SLC9A9: variants seen among roughly 807,000 people sequenced by gnomAD.
The protein encoded by SLC9A9 is solute carrier family 9 member A9.
SLC9A9 carries 62 observed loss-of-function variants against 77.8 expected under a neutral mutation model. That is an observed-to-expected ratio of 0.80 (90% CI 0.65 to 0.98). The LOEUF (loss-of-function observed/expected upper bound fraction) is 0.98. Among genes scored for constraint, SLC9A9 ranks in the 50% least tolerant of loss-of-function variants. The pLI, the probability that SLC9A9 is intolerant of heterozygous loss-of-function variation, is 0.00. For missense variants in SLC9A9, 775 were observed against 774.9 expected (o/e 1.00, Z 0.00); for synonymous variants, 320 against 283.5 (o/e 1.13, Z -1.29).
chr3:143,489,193 CTT>C (rs1235528259), intron 11 of SLC9A9, among the ~76,000 whole-genome samples: 1 of 151,662 alleles, frequency 6.6e-6, no homozygotes, highest in African/African-American at 2.4e-5. Flanking sequence ...AGGTGAAAGA[CTT>C]ATACAGTGAA....
At chr3:143,355,530 T>C (rs890124110) in intron 14 of SLC9A9, among the ~76,000 whole-genome samples, 1 of 152,216 alleles carries the variant, frequency 6.6e-6, no homozygotes, top group Admixed American at 6.5e-5. Context: ...AGATAGGCTA[T>C]AATAGCAAAT....
chr3:143,731,886 A>G (rs1934811972), intron 4 of SLC9A9, among the ~76,000 whole-genome samples: 1 of 152,150 alleles, frequency 6.6e-6, no homozygotes, highest in African/African-American at 2.4e-5. Flanking sequence ...CTGTCAACGG[A>G]TGTGAGACAT....
chr3:143,569,796 T>C (rs1280247152), intron 8 of SLC9A9, among the ~76,000 whole-genome samples: 1 of 151,380 alleles, frequency 6.6e-6, no homozygotes, highest in Non-Finnish European at 1.5e-5. Flanking sequence ...AAGGTTAATT[T>C]TCTTTTATTG....
Position 143,490,705 on chromosome 3 carries a change from AAG to A in SLC9A9, c.1315+2946_1315+2947del, listed in dbSNP as rs201666264. The stretch of plus-strand genomic sequence containing the variant: ...TTACAACAATAAAAAAATGAAAAAA[AAG>A]AGAGAACAATAATGGCTATCCCATC... On this transcript the variant is annotated intron_variant, in intron 11 of 15. Coordinates refer to ENST00000316549, the MANE Select transcript of SLC9A9 (RefSeq NM_173653.4). 6.7e-3 allele frequency among the ~76,000 whole-genome samples: 1,024 copies of A among 152,322 alleles called. 14 individuals are homozygous for A. Among genetic ancestry groups the A allele is most frequent in the African/African-American group, 0.023 (959 of 41,560 alleles).
intron 12 of SLC9A9, among the ~76,000 whole-genome samples, chr3:143,459,696 C>G (rs1034395776): frequency 1.3e-5 from 2 of 152,056 alleles, no homozygotes; most frequent in African/African-American, 4.8e-5. Context: ...TTCTCAAACT[C>G]CCTTCTCTCT....
intron 12 of SLC9A9, among the ~76,000 whole-genome samples, chr3:143,408,679 G>A (rs1576477679): frequency 2.0e-5 from 3 of 152,128 alleles, no homozygotes. Flanking sequence ...CCCCTTCTTT[G>A]GAACATTATT....
chr3:143,774,631 A>G (rs552982069), intron 4 of SLC9A9, among the ~76,000 whole-genome samples: 1 of 152,342 alleles, frequency 6.6e-6, no homozygotes, highest in East Asian at 1.9e-4. Context: ...TTACGTTATT[A>G]TGTGTATCAT....
At chr3:143,285,002 C>G (rs557001874) in intron 14 of SLC9A9, among the ~76,000 whole-genome samples, 26 of 152,300 alleles carry the variant, frequency 1.7e-4, no homozygotes, top group African/African-American at 6.3e-4. Context: ...ATCAATGGTT[C>G]TTTCCACACT....
intron 4 of SLC9A9, among the ~76,000 whole-genome samples, chr3:143,710,186 A>T (rs754832013): frequency 6.6e-6 from 1 of 152,238 alleles, no homozygotes; most frequent in African/African-American, 2.4e-5. Context: ...ATATACATTT[A>T]TATACACACA....
chr3:143,806,920 T>C (rs1405078782), intron 2 of SLC9A9, among the ~76,000 whole-genome samples: 1 of 152,214 alleles, frequency 6.6e-6, no homozygotes, highest in Admixed American at 6.5e-5. Flanking sequence ...CTTGAGGAGA[T>C]GGATACCTTC....
At chr3:143,386,605 T>A (rs1308974228) in intron 12 of SLC9A9, among the ~76,000 whole-genome samples, 2 of 152,348 alleles carry the variant, frequency 1.3e-5, no homozygotes, top group East Asian at 3.9e-4. Context: ...GCAGCTATTA[T>A]TGATATTATT....
intron 4 of SLC9A9, among the ~76,000 whole-genome samples, chr3:143,726,114 A>G (rs1005486760): frequency 2.0e-5 from 3 of 152,026 alleles, no homozygotes; most frequent in African/African-American, 7.2e-5. Context: ...AATTACTTTG[A>G]GAAATTAAAA....
At chr3:143,452,961 GCAA>G (rs1385611247) in intron 12 of SLC9A9, among the ~76,000 whole-genome samples, 1 of 151,774 alleles carries the variant, frequency 6.6e-6, no homozygotes, top group East Asian at 1.9e-4. Context: ...CAGTGAAAAA[GCAA>G]CAAATTAAAA....
At chr3:143,661,411 T>G (rs1285188196) in intron 5 of SLC9A9, among the ~76,000 whole-genome samples, 1 of 152,142 alleles carries the variant, frequency 6.6e-6, no homozygotes, top group East Asian at 1.9e-4. Flanking sequence ...ACAGCCTTCC[T>G]CAGGATTTCT....
intron 14 of SLC9A9, among the ~76,000 whole-genome samples, chr3:143,349,967 G>A (rs1576441650): frequency 1.3e-5 from 2 of 152,180 alleles, no homozygotes; most frequent in African/African-American, 4.8e-5. Flanking sequence ...CAAGTGGCTT[G>A]TTTACCTCGA....
chr3:143,378,252 C>CATA (rs2033226608), intron 13 of SLC9A9, among the ~76,000 whole-genome samples: 4 of 152,114 alleles, frequency 2.6e-5, no homozygotes, highest in African/African-American at 7.2e-5. Context: ...GGAGTGGGTA[C>CATA]CAAGAATTAC....
rs142797222 is a variant in SLC9A9, at chr3:143,796,495, A to G, written c.456+331T>C. 2.2e-4 allele frequency among the ~76,000 whole-genome samples: 34 copies of G among 152,370 alleles called. No homozygotes were observed. In the East Asian group the frequency reaches 5.4e-3, roughly 24 times the overall value. Reference sequence around the variant, plus strand: ...ATACTAACATTTCTACACGAAATCAATATAAAACATTATGGAAATATTTAC... The same window carrying G: ...ATACTAACATTTCTACACGAAATCAGTATAAAACATTATGGAAATATTTAC... On this transcript the variant is annotated intron_variant, in intron 3 of 15. Transcript: ENST00000316549.
At chr3:143,809,626 C>T (rs191167902) in intron 2 of SLC9A9, among the ~76,000 whole-genome samples, 64 of 152,252 alleles carry the variant, frequency 4.2e-4, no homozygotes, top group Non-Finnish European at 6.5e-4. Flanking sequence ...ATTATTGTAA[C>T]ATGAGGAGAA....
intron 2 of SLC9A9, among the ~76,000 whole-genome samples, chr3:143,825,535 A>G (rs1318792675): frequency 1.3e-5 from 2 of 152,220 alleles, no homozygotes; most frequent in Non-Finnish European, 2.9e-5. Context: ...GGCTTCCTTA[A>G]AGTAGCTCTA....
Sources: allele counts gnomAD v4.1 joint callset (sites outside exome capture counted in the v4.1 genomes callset), GRCh38; gene constraint gnomAD v4.1.1; transcripts MANE v1.5; gene names NCBI Gene and HGNC (gene_info 2026-07-23, HGNC 2026-07-21).